The following MROH9 variants were observed in gnomAD, a reference collection of about 807,000 sequenced individuals.
The protein encoded by MROH9 is maestro heat-like repeat-containing protein family member 9.
MROH9 carries 92 observed loss-of-function variants against 98.2 expected under a neutral mutation model. The ratio of observed to expected loss-of-function variants is 0.94; its 90% CI spans 0.79 to 1.11. The LOEUF is 1.11. MROH9 is among the 50% of genes most tolerant of loss of function. MROH9 has a pLI of 0.00. For missense variants in MROH9, 1,057 were observed against 1,014.8 expected, an observed-to-expected ratio of 1.04 and a Z score of -0.57; for synonymous variants, 397 against 368.9, an observed-to-expected ratio of 1.08 and a Z score of -0.87.
chr1:170,996,114 C>T (rs1266562941), intron 13 of MROH9, among the ~76,000 whole-genome samples: 3 of 152,006 alleles, frequency 2.0e-5, no homozygotes, highest in Non-Finnish European at 2.9e-5. Context: ...TACTATTTGC[C>T]CTATTCTCTA....
intron 6 of MROH9, among the ~76,000 whole-genome samples, chr1:170,963,765 T>C (rs1345534152): frequency 6.6e-6 from 1 of 152,024 alleles, no homozygotes; most frequent in East Asian, 1.9e-4. Context: ...TCTCACTTAT[T>C]AGTGAGAGCT....
At chr1:170,989,278 G>A (rs1651262371) in intron 10 of MROH9, among the ~76,000 whole-genome samples, 1 of 152,098 alleles carries the variant, frequency 6.6e-6, no homozygotes, top group Admixed American at 6.6e-5. Flanking sequence ...CCACTGATTT[G>A]AAACAAATTT....
intron 17 of MROH9, 73 bp from the exon 18 acceptor site, chr1:171,024,322 G>GTT (rs1330817982): frequency 3.4e-5 from 33 of 980,152 alleles, no homozygotes; most frequent in Non-Finnish European, 5.1e-5. Context: ...GTGTGTGTGT[G>GTT]TGTGTGTGTA....
chr1:171,035,636 A>C lies in MROH9; in HGVS notation c.2281+10216A>C, dbSNP rs1653077325. Reference sequence around the variant, plus strand: ...TGAGTAATAAATGACACTTTTCAGAAAAGGACAGACAAATTACCAATAAAC... The same window carrying C: ...TGAGTAATAAATGACACTTTTCAGACAAGGACAGACAAATTACCAATAAAC... On this transcript the variant is annotated intron_variant, in intron 20 of 21. Transcript: ENST00000367759. Among the ~76,000 whole-genome samples, 2 of 152,176 alleles carry C rather than the reference A, an allele frequency of 1.3e-5. 1 individual carries two copies. Among genetic ancestry groups the C allele is most frequent in the South Asian group, 4.1e-4 (2 of 4,832 alleles).
At chr1:170,989,398 A>G (rs951687791) in intron 10 of MROH9, among the ~76,000 whole-genome samples, 1 of 152,216 alleles carries the variant, frequency 6.6e-6, no homozygotes, top group Non-Finnish European at 1.5e-5. Flanking sequence ...AGTGTTTACC[A>G]TTCTGGGTCA....
intron 20 of MROH9, among the ~76,000 whole-genome samples, chr1:171,055,906 C>G (rs573490852): frequency 6.6e-6 from 1 of 152,100 alleles, no homozygotes; most frequent in South Asian, 2.1e-4. Context: ...GGGAGCCAGA[C>G]GAGCAGAGGA....
chr1:170,995,623 C>T, intron 13 of MROH9, 92 bp downstream of exon 13: 2 of 1,372,634 alleles, frequency 1.5e-6, no homozygotes, highest in Middle Eastern at 1.9e-4. Context: ...GGATTCTTTA[C>T]AGTCCCATGT....
At chr1:170,949,726 C>T (rs1649473104) in intron 3 of MROH9, among the ~76,000 whole-genome samples, 1 of 151,992 alleles carries the variant, frequency 6.6e-6, no homozygotes, top group Non-Finnish European at 1.5e-5. Flanking sequence ...AAATTGAGTT[C>T]TTCATCAGCA....
rs540935318 is a variant in MROH9, at chr1:171,004,578, C to T, written c.1596+6304C>T. Among the ~76,000 whole-genome samples the T allele has an allele frequency of 4.2e-4, 64 of 152,314 alleles. No individual in the cohort carries two copies. In the Middle Eastern group the frequency reaches 0.01, roughly 24 times the overall value. Reference sequence around the variant, plus strand: ...GGAGGGTCTCCCTTTCTCACTTCCGCGGTTGGGGCACTCACAGTATTTGGG... The same window carrying T: ...GGAGGGTCTCCCTTTCTCACTTCCGTGGTTGGGGCACTCACAGTATTTGGG... On this transcript the variant is annotated intron_variant, in intron 15 of 21. Transcript: ENST00000367759.
chr1:170,958,474 A>G lies in MROH9; in HGVS notation c.86A>G (p.Asn29Ser), dbSNP rs17563089. Residue 29 changes from asparagine to serine, a missense_variant, in exon 4 of 22, where the codon AAC (asparagine) becomes AGC (serine). By Grantham distance (46) the Asn-to-Ser change is conservative. Transcript: ENST00000367759. ...VKWHHMAHKVNSLLDAYSGLL... is the reference protein window; with the variant it reads ...VKWHHMAHKVSSLLDAYSGLL... ...CATGGTACTTAGGCACATAAAGTTA[A>G]CAGCCTATTGGATGCATACTCAGGC... is the stretch of plus-strand genomic sequence containing the variant. The G allele has an allele frequency of 0.093, 146,597 of 1,574,040 alleles. 7,683 individuals are homozygous for G. The highest frequency in any genetic ancestry group is 0.1 in the Middle Eastern group (605 of 5,902).
At chr1:171,041,677 C>T (rs1339938468) in intron 20 of MROH9, among the ~76,000 whole-genome samples, 1 of 151,810 alleles carries the variant, frequency 6.6e-6, no homozygotes, top group Non-Finnish European at 1.5e-5. Flanking sequence ...TACTAAATTA[C>T]ATTCCCACCA....
At chr1:170,986,825 T>G (rs1651156430) in intron 10 of MROH9, 115 bp downstream of exon 10, 8 of 1,183,160 alleles carry the variant, frequency 6.8e-6, no homozygotes, top group African/African-American at 1.5e-5. Flanking sequence ...GTTCATTATA[T>G]GACTTCAATA....
intron 20 of MROH9, among the ~76,000 whole-genome samples, chr1:171,039,886 T>A (rs556273929): frequency 6.6e-6 from 1 of 152,234 alleles, no homozygotes; most frequent in South Asian, 2.1e-4. Flanking sequence ...AATAAGAGTA[T>A]CTTGAGCTTT....
intron 20 of MROH9, among the ~76,000 whole-genome samples, chr1:171,055,437 A>G (rs1267722828): frequency 2.0e-5 from 3 of 152,046 alleles, no homozygotes; most frequent in Non-Finnish European, 1.5e-5. Context: ...CCTGGCCAAC[A>G]TGGTGAAACC....
At position 170,996,718 on chromosome 1, in the gene MROH9, C is replaced by T. The variant is rs187959463; in HGVS notation, c.1475+74C>T. 4.3e-5 allele frequency: 63 copies of T among 1,459,348 alleles called. 1 individual carries two copies. The Middle Eastern group carries it at 8.5e-4, about 20-fold the overall frequency. 90.4% of individuals were successfully genotyped at this position (1,459,348 alleles called of 1,614,324 possible). On this transcript the variant is annotated intron_variant, in intron 14 of 21. Transcript: ENST00000367759. ...CTCCAACTTCCTTCAATAAGCCATG[C>T]GGGAACAAGATAGGCATCTATTCCA...
chr1:171,011,206 C>A (rs939175686), intron 15 of MROH9, among the ~76,000 whole-genome samples: 2 of 152,110 alleles, frequency 1.3e-5, no homozygotes, highest in Non-Finnish European at 2.9e-5. Context: ...CTAGAAGTGG[C>A]AAATCACAAT....
At position 170,992,167 on chromosome 1, in the gene MROH9, T is replaced by G; in HGVS notation, c.1032T>G (p.Thr344=). 1 of 1,609,598 alleles carries G rather than the reference T, an allele frequency of 6.2e-7. No individual in the cohort carries two copies. Among genetic ancestry groups the G allele is most frequent in the Non-Finnish European group, 8.5e-7 (1 of 1,177,980 alleles). ...LMDYPVPADD[T]LIQMWKAACS... ...TGGGGTGGGGCTGTGTTTGCAGCAC[T>G]CTGATACAGATGTGGAAGGCGGCAT... The change falls in exon 12 of 22, where the codon ACT becomes ACG. Residue 344 remains threonine (T), a synonymous_variant. Coordinates refer to ENST00000367759, the MANE Select transcript of MROH9 (RefSeq NM_001163629.2).
rs1218699353 is a variant in MROH9 at position 170,992,214 on chromosome 1, C to G, written c.1079C>G (p.Pro360Arg). The G allele has an allele frequency of 6.2e-7, 1 of 1,613,194 alleles. No homozygotes were observed. Among genetic ancestry groups the G allele is most frequent in the Non-Finnish European group, 8.5e-7 (1 of 1,179,598 alleles). The change falls in exon 12 of 22, where the codon CCT (proline) becomes CGT (arginine). Residue 360 changes from proline (P) to arginine (R), a missense_variant. By Grantham distance (103) the Pro-to-Arg change is moderately radical (BLOSUM62 -2). Coordinates refer to ENST00000367759, the MANE Select transcript of MROH9 (RefSeq NM_001163629.2). The part of the protein sequence containing the change: ...KAACSQASVA[P>R]HVLKTILLIL... ...GCATGTTCTCAGGCGAGCGTGGCCC[C>G]TCACGTGCTGAAGACAATCTTATTG...
chr1:170,998,769 CTT>C (rs929280333), intron 15 of MROH9: 1 of 975,724 alleles, frequency 1.0e-6, no homozygotes, highest in Non-Finnish European at 1.2e-6. Flanking sequence ...AATTGACAAA[CTT>C]TTGTTTACAA....
Sources: gnomAD v4.1 joint callset for allele counts (sites outside exome capture counted in the v4.1 genomes callset) on GRCh38, gnomAD v4.1.1 for gene constraint, MANE v1.5 for transcripts, NCBI Gene and HGNC (gene_info 2026-07-23, HGNC 2026-07-21) for gene names.